The following ST3GAL2 variants were observed in gnomAD, a reference collection of about 807,000 sequenced individuals.
The protein encoded by ST3GAL2 is CMP-N-acetylneuraminate-beta-galactosamide-alpha-2,3-sialyltransferase 2.
ST3GAL2 carries 16 observed loss-of-function variants against 37.5 expected under a neutral mutation model. The ratio of observed to expected loss-of-function variants is 0.43; its 90% CI spans 0.29 to 0.65. The LOEUF (loss-of-function observed/expected upper bound fraction) is 0.65. Among genes scored for constraint, ST3GAL2 ranks in the 30% least tolerant of loss-of-function variants. ST3GAL2 has a pLI of 0.17. For synonymous variants in ST3GAL2, 238 were observed against 202.9 expected (o/e 1.17, Z -1.47); for missense variants, 383 against 487.8 (o/e 0.79, Z 2.02).
At chr16:70,389,872 C>T (rs910456760) in intron 3 of ST3GAL2, among the ~76,000 whole-genome samples, 10 of 151,734 alleles carry the variant, frequency 6.6e-5, no homozygotes, top group Admixed American at 2.0e-4. Flanking sequence ...CTGGAAGCTC[C>T]GCCTCCTGGG....
chr16:70,395,807 T>C (rs1308878441), intron 2 of ST3GAL2, among the ~76,000 whole-genome samples: 1 of 152,062 alleles, frequency 6.6e-6, no homozygotes, highest in Non-Finnish European at 1.5e-5. Context: ...AGGAGTGACA[T>C]GGCAGGTAAG....
At chr16:70,385,293 C>T (rs1420647272) in intron 4 of ST3GAL2, among the ~76,000 whole-genome samples, 1 of 151,936 alleles carries the variant, frequency 6.6e-6, no homozygotes, top group Non-Finnish European at 1.5e-5. Context: ...GAGACTCTGT[C>T]TCCAAAAACA....
chr16:70,421,840 CAGAGTCCA>C (rs201997197), intron 1 of ST3GAL2, among the ~76,000 whole-genome samples: 12,222 of 152,272 alleles, frequency 0.08, 1,630 homozygotes, highest in African/African-American at 0.28. Flanking sequence ...ACTTCGCTTT[CAGAGTCCA>C]AAGCCCTCAT....
intron 1 of ST3GAL2, among the ~76,000 whole-genome samples, chr16:70,418,769 C>G (rs993091187): frequency 2.0e-5 from 3 of 152,200 alleles, no homozygotes; most frequent in Non-Finnish European, 2.9e-5. Context: ...CCTCTGTGCA[C>G]TCTGCTGTCC....
At chr16:70,409,420 C>T (rs909061458) in intron 1 of ST3GAL2, among the ~76,000 whole-genome samples, 2 of 152,058 alleles carry the variant, frequency 1.3e-5, no homozygotes, top group Non-Finnish European at 2.9e-5. Flanking sequence ...CTTGGCTCAC[C>T]GCAACCTCCA....
chr16:70,381,897 G>T, intron 6 of ST3GAL2, 35 bp from the exon 7 acceptor site: 2 of 1,610,094 alleles, frequency 1.2e-6, no homozygotes, highest in Non-Finnish European at 1.7e-6. Context: ...CACCCCAGGC[G>T]GGGACCTGGA....
intron 4 of ST3GAL2, 95 bp downstream of exon 4, chr16:70,388,272 G>A (rs961114881): frequency 6.5e-6 from 10 of 1,534,258 alleles, no homozygotes; most frequent in Non-Finnish European, 8.9e-6. Context: ...TGGCCAAAAT[G>A]TTCAATGAAA....
chr16:70,437,074 C>G (rs1435662291), intron 1 of ST3GAL2, among the ~76,000 whole-genome samples: 2 of 152,156 alleles, frequency 1.3e-5, no homozygotes, highest in African/African-American at 4.8e-5. Flanking sequence ...AAATGCTCCC[C>G]TGAGGCCATA....
chr16:70,408,246 C>A (rs964644592), intron 1 of ST3GAL2, among the ~76,000 whole-genome samples: 1 of 152,144 alleles, frequency 6.6e-6, no homozygotes, highest in Non-Finnish European at 1.5e-5. Context: ...GCTCCTTCCA[C>A]AGCCCCCACT....
chr16:70,429,633 A>G (rs1404114084), intron 1 of ST3GAL2, among the ~76,000 whole-genome samples: 1 of 144,718 alleles, frequency 6.9e-6, no homozygotes, highest in African/African-American at 2.6e-5. Context: ...GCAGGGCTTT[A>G]AATTCTTTTT....
intron 1 of ST3GAL2, among the ~76,000 whole-genome samples, chr16:70,431,527 A>G (rs771207331): frequency 2.0e-5 from 3 of 152,208 alleles, no homozygotes; most frequent in Non-Finnish European, 4.4e-5. Context: ...GGTTGTTTTC[A>G]ACATCTGATA....
At chr16:70,404,834 A>G (rs1335979526) in intron 1 of ST3GAL2, among the ~76,000 whole-genome samples, 1 of 152,122 alleles carries the variant, frequency 6.6e-6, no homozygotes, top group East Asian at 1.9e-4. Flanking sequence ...AGAGATCAAG[A>G]CCATCTGGCC....
chr16:70,387,006 C>A (rs1332782560), intron 4 of ST3GAL2, among the ~76,000 whole-genome samples: 5 of 151,186 alleles, frequency 3.3e-5, no homozygotes, highest in African/African-American at 9.7e-5. Context: ...ATAATCCCAG[C>A]ACTTCGGGAG....
intron 1 of ST3GAL2, among the ~76,000 whole-genome samples, chr16:70,409,339 C>T (rs2047619347): frequency 6.6e-6 from 1 of 151,992 alleles, no homozygotes; most frequent in Non-Finnish European, 1.5e-5. Flanking sequence ...TAGCTTCCCG[C>T]CTCTGGCGGC....
chr16:70,420,049 T>C lies in ST3GAL2; in HGVS notation c.-1004+18900A>G, dbSNP rs564867002. 2.1e-4 allele frequency among the ~76,000 whole-genome samples: 30 copies of C among 140,954 alleles called. 1 individual carries two copies. Among genetic ancestry groups the C allele is most frequent in the Middle Eastern group, 3.6e-3 (1 of 274 alleles). The allele number at this position is 140,954 out of a possible 152,430, so 92.5% of individuals were successfully genotyped here. On this transcript the variant is annotated intron_variant, in intron 1 of 6. Coordinates refer to ENST00000342907, the MANE Select transcript of ST3GAL2 (RefSeq NM_006927.4). ...CTTTTTTTTTTTTTTTTTTTTGAGA[T>C]GAAGTTTTGCTCTTTCACCCAAGCT...
chr16:70,406,115 T>C (rs2047590753), intron 1 of ST3GAL2, among the ~76,000 whole-genome samples: 1 of 150,146 alleles, frequency 6.7e-6, no homozygotes, highest in Non-Finnish European at 1.5e-5. Flanking sequence ...CTGCATGGTG[T>C]GTGAATTATA....
At chr16:70,415,065 G>A (rs1275887810) in intron 1 of ST3GAL2, among the ~76,000 whole-genome samples, 5 of 152,120 alleles carry the variant, frequency 3.3e-5, no homozygotes, top group South Asian at 2.1e-4. Context: ...TAGTAGAGAC[G>A]GGGTTTCACC....
chr16:70,384,531 C>T (rs1002396359), intron 4 of ST3GAL2, among the ~76,000 whole-genome samples: 2 of 151,360 alleles, frequency 1.3e-5, no homozygotes, highest in African/African-American at 2.4e-5. Context: ...ATGGTAAAAC[C>T]CTGTCTCTAC....
chr16:70,406,008 C>T (rs973773993), intron 1 of ST3GAL2, among the ~76,000 whole-genome samples: 1 of 151,562 alleles, frequency 6.6e-6, no homozygotes, highest in Non-Finnish European at 1.5e-5. Context: ...TTGCAGTGAG[C>T]CGAGATCATG....
Sources: allele counts gnomAD v4.1 joint callset (sites outside exome capture counted in the v4.1 genomes callset), GRCh38; gene constraint gnomAD v4.1.1; transcripts MANE v1.5; gene names NCBI Gene and HGNC (gene_info 2026-07-23, HGNC 2026-07-21).